KHDRBS2: variants seen among roughly 807,000 people sequenced by gnomAD.
KHDRBS2 encodes the protein KH RNA binding domain containing, signal transduction associated 2.
A neutral mutation model predicts 44.3 loss-of-function variants in KHDRBS2; 26 were observed. The ratio of observed to expected loss-of-function variants is 0.59; its 90% CI spans 0.43 to 0.81. The LOEUF is 0.81. KHDRBS2 is among the 40% of genes least tolerant of loss of function. The pLI is 0.00. For missense variants in KHDRBS2, 476 were observed against 433.1 expected (o/e 1.10, Z -0.88); for synonymous variants, 194 against 151.1 (o/e 1.28, Z -2.08).
At chr6:61,762,229 T>C (rs905386499) in intron 6 of KHDRBS2, among the ~76,000 whole-genome samples, 1 of 152,210 alleles carries the variant, frequency 6.6e-6, no homozygotes, top group Non-Finnish European at 1.5e-5. Flanking sequence ...CATAATTGAT[T>C]CTCAGATATG....
chr6:61,781,491 AAAAT>A (rs1463594522), intron 6 of KHDRBS2, among the ~76,000 whole-genome samples: 3 of 152,188 alleles, frequency 2.0e-5, no homozygotes, highest in Non-Finnish European at 4.4e-5. Context: ...AAAAAAGAAC[AAAAT>A]AAATAAACAA....
intron 1 of KHDRBS2, among the ~76,000 whole-genome samples, chr6:62,276,192 C>T (rs536685534): frequency 2.0e-4 from 30 of 152,262 alleles, no homozygotes; most frequent in South Asian, 4.1e-4. Flanking sequence ...AGACATCGAT[C>T]GTGGCATTTC....
chr6:61,722,484 C>T (rs1216916588), intron 7 of KHDRBS2, among the ~76,000 whole-genome samples: 1 of 152,084 alleles, frequency 6.6e-6, no homozygotes, highest in Non-Finnish European at 1.5e-5. Flanking sequence ...CTTCCAGATT[C>T]TATTTTATAA....
intron 3 of KHDRBS2, among the ~76,000 whole-genome samples, chr6:61,983,198 C>CGTTTTCTTT (rs757938694): frequency 0.056 from 1,545 of 27,610 alleles, 94 homozygotes; most frequent in African/African-American, 0.087. Context: ...AAGTTTTTTT[C>CGTTTTCTTT]ATTTTCTTTC....
chr6:62,111,811 G>A lies in KHDRBS2; in HGVS notation c.220-63817C>T, dbSNP rs547172378. Among the ~76,000 whole-genome samples the A allele has an allele frequency of 2.6e-5, 4 of 152,100 alleles. No homozygotes were observed. The South Asian group carries it at 6.2e-4, about 24-fold the overall frequency. ...GTGAAAGGATCACTTGAGGCCAGCA[G>A]TTTGAGGCTGCGATGAGCTGTGATC... On this transcript the variant is annotated intron_variant, in intron 2 of 8. Coordinates refer to ENST00000281156, the MANE Select transcript of KHDRBS2 (RefSeq NM_152688.4).
intron 6 of KHDRBS2, among the ~76,000 whole-genome samples, chr6:61,777,146 G>A (rs544382581): frequency 6.6e-6 from 1 of 152,016 alleles, no homozygotes; most frequent in East Asian, 1.9e-4. Context: ...TGGGGGGTGG[G>A]GGAAGGGGGG....
chr6:61,785,300 T>G (rs1783629659), intron 6 of KHDRBS2, among the ~76,000 whole-genome samples: 1 of 152,038 alleles, frequency 6.6e-6, no homozygotes, highest in Non-Finnish European at 1.5e-5. Context: ...TGGCCTCTCA[T>G]CTCAACAAAA....
the KHDRBS2 span, among the ~76,000 whole-genome samples, chr6:61,610,667 A>T: frequency 6.6e-6 from 1 of 152,210 alleles, no homozygotes; most frequent in African/African-American, 2.4e-5. Flanking sequence ...CCCTAGAGCA[A>T]GCAATCCAAG....
chr6:61,559,854 A>G, the KHDRBS2 span, among the ~76,000 whole-genome samples: 1 of 152,170 alleles, frequency 6.6e-6, no homozygotes, highest in Non-Finnish European at 1.5e-5. Context: ...TACATACCAC[A>G]ATTTCAATGT....
At chr6:61,557,505 T>C in the KHDRBS2 span, among the ~76,000 whole-genome samples, 12 of 152,152 alleles carry the variant, frequency 7.9e-5, no homozygotes, top group Non-Finnish European at 1.6e-4. Context: ...TGCCTTTCCT[T>C]TCTGTTATTT....
chr6:61,788,001 A>C (rs1044464711), intron 6 of KHDRBS2, among the ~76,000 whole-genome samples: 2 of 151,660 alleles, frequency 1.3e-5, no homozygotes, highest in Admixed American at 6.6e-5. Flanking sequence ...CTAATGCATT[A>C]ACTAAGTACT....
intron 6 of KHDRBS2, among the ~76,000 whole-genome samples, chr6:61,825,911 C>T (rs972605543): frequency 2.0e-5 from 3 of 152,052 alleles, no homozygotes; most frequent in Non-Finnish European, 4.4e-5. Flanking sequence ...GCAGTACCTG[C>T]CACATACTAA....
At chr6:61,826,169 A>G (rs759395910) in intron 6 of KHDRBS2, among the ~76,000 whole-genome samples, 4 of 151,998 alleles carry the variant, frequency 2.6e-5, no homozygotes, top group Non-Finnish European at 4.4e-5. Flanking sequence ...TAGGGGTTTT[A>G]TGGGCATATT....
the KHDRBS2 span, among the ~76,000 whole-genome samples, chr6:61,672,398 C>G: frequency 6.6e-6 from 1 of 152,102 alleles, no homozygotes; most frequent in African/African-American, 2.4e-5. Context: ...ATTTCTAGTT[C>G]TAGATCCCTG....
the KHDRBS2 span, among the ~76,000 whole-genome samples, chr6:61,657,358 T>C: frequency 6.6e-6 from 1 of 152,022 alleles, no homozygotes; most frequent in East Asian, 1.9e-4. Context: ...CATTCTTTCT[T>C]CTTCTTATTT....
At chr6:62,175,433 G>C (rs569608470) in intron 2 of KHDRBS2, among the ~76,000 whole-genome samples, 1 of 151,648 alleles carries the variant, frequency 6.6e-6, no homozygotes, top group Non-Finnish European at 1.5e-5. Context: ...GATCAGTCAA[G>C]TTAAAAATGT....
At chr6:61,611,022 A>C in the KHDRBS2 span, among the ~76,000 whole-genome samples, 7 of 152,324 alleles carry the variant, frequency 4.6e-5, no homozygotes, top group East Asian at 1.2e-3. Context: ...CTATGTATTC[A>C]TATCTAGATG....
intron 1 of KHDRBS2, among the ~76,000 whole-genome samples, chr6:62,193,941 G>A (rs879435704): frequency 6.6e-6 from 1 of 152,046 alleles, no homozygotes; most frequent in Non-Finnish European, 1.5e-5. Context: ...TTTTATTACT[G>A]AGTCATAAAA....
At position 62,286,169 on chromosome 6, in the gene KHDRBS2, C is replaced by T. The variant is rs1467264617; in HGVS notation, c.-221G>A. ...TGCCCGTCCCTTCCGTCGTCCCTCG[C>T]TCGCGCAGAGCCCCGGCTCACACCA... On this transcript the variant is annotated 5_prime_UTR_variant, in exon 1 of 9. Coordinates refer to ENST00000281156, the MANE Select transcript of KHDRBS2 (RefSeq NM_152688.4). 1.8e-6 allele frequency: 1 copy of T among 548,254 alleles called. No individual in the cohort carries two copies. The highest frequency in any genetic ancestry group is 2.0e-5 in the African/African-American group (1 of 49,350). 34.0% of individuals were successfully genotyped at this position (548,254 alleles called of 1,614,324 possible). A position where few individuals can be genotyped will look rare whatever the true frequency, so the allele number is the denominator to read the frequency against.
Sources: allele counts gnomAD v4.1 joint callset (sites outside exome capture counted in the v4.1 genomes callset), GRCh38; gene constraint gnomAD v4.1.1; transcripts MANE v1.5; gene names NCBI Gene and HGNC (gene_info 2026-07-23, HGNC 2026-07-21).